Variants in SGCZ observed in about 807,000 individuals in gnomAD.
SGCZ encodes the protein zeta-sarcoglycan.
In SGCZ, 40 loss-of-function variants were observed where a neutral mutation model predicts 41.3. The ratio of observed to expected loss-of-function variants is 0.97; its 90% CI spans 0.75 to 1.26. The LOEUF (loss-of-function observed/expected upper bound fraction) is 1.26, where lower values mean the gene tolerates loss of function less well. Among genes scored for constraint, SGCZ ranks in the 50% most tolerant of loss-of-function variants. The pLI, the probability that SGCZ is intolerant of heterozygous loss-of-function variation, is 0.00. For synonymous variants in SGCZ, 206 were observed against 137.5 expected, an observed-to-expected ratio of 1.50 and a Z score of -3.49; for missense variants, 552 against 369.8, an observed-to-expected ratio of 1.49 and a Z score of -4.04.
At chr8:14,715,642 A>T (rs1325494246) in intron 1 of SGCZ, among the ~76,000 whole-genome samples, 4 of 152,148 alleles carry the variant, frequency 2.6e-5, no homozygotes, top group African/African-American at 2.4e-5. Flanking sequence ...ATTATGTCTG[A>T]TAATTCCTAA....
At chr8:15,181,457 C>T (rs545907187) in intron 1 of SGCZ, among the ~76,000 whole-genome samples, 12 of 152,220 alleles carry the variant, frequency 7.9e-5, no homozygotes, top group Admixed American at 5.2e-4. Flanking sequence ...GTCTTTTCAA[C>T]GTTTGCTTGG....
chr8:14,760,759 C>A (rs1282456585), intron 1 of SGCZ, among the ~76,000 whole-genome samples: 2 of 152,180 alleles, frequency 1.3e-5, no homozygotes, highest in East Asian at 3.8e-4. Flanking sequence ...TATTTCTTCA[C>A]AGAAATTATC....
intron 2 of SGCZ, among the ~76,000 whole-genome samples, chr8:14,444,397 G>A (rs1402431623): frequency 6.6e-6 from 1 of 152,024 alleles, no homozygotes; most frequent in African/African-American, 2.4e-5. Flanking sequence ...CCATAGCAAA[G>A]ACTTGGAACC....
intron 7 of SGCZ, among the ~76,000 whole-genome samples, chr8:14,097,699 CT>C (rs1801888389): frequency 6.6e-6 from 1 of 152,108 alleles, no homozygotes. Context: ...GTTAAAGTCT[CT>C]CACTATTACT....
At chr8:14,457,295 C>G (rs4831589) in intron 2 of SGCZ, among the ~76,000 whole-genome samples, 69,276 of 152,128 alleles carry the variant, frequency 0.46, 16,448 homozygotes, top group African/African-American at 0.58. Flanking sequence ...GTTATGCCCA[C>G]ACAGGGCCAC....
At position 15,228,447 on chromosome 8, in the gene SGCZ, A is replaced by T. The variant is rs147193903; in HGVS notation, c.39+9138T>A. Among the ~76,000 whole-genome samples, 654 of 152,354 alleles carry T rather than the reference A, an allele frequency of 4.3e-3. 4 individuals carry two copies. Among genetic ancestry groups the T allele is most frequent in the African/African-American group, 0.015 (632 of 41,590 alleles). On this transcript the variant is annotated intron_variant, in intron 1 of 7. Transcript: ENST00000382080. ...TAAGAAACTTGATGAGATGAAATAC[A>T]ATATATAAAAGTAACTGTCTCTGCT...
chr8:14,973,598 C>T (rs528076855), intron 1 of SGCZ, among the ~76,000 whole-genome samples: 1 of 152,288 alleles, frequency 6.6e-6, no homozygotes, highest in South Asian at 2.1e-4. Context: ...TAAGTATTGA[C>T]ATCCAATGCA....
intron 1 of SGCZ, among the ~76,000 whole-genome samples, chr8:14,886,493 T>G (rs946840129): frequency 1.3e-5 from 2 of 151,928 alleles, no homozygotes; most frequent in African/African-American, 4.8e-5. Flanking sequence ...CAGGAGATAT[T>G]TGAACAAACA....
intron 1 of SGCZ, among the ~76,000 whole-genome samples, chr8:14,665,134 G>T (rs1018232296): frequency 3.9e-5 from 6 of 152,036 alleles, no homozygotes; most frequent in African/African-American, 1.4e-4. Context: ...TTAACATTAG[G>T]TATATCTCCT....
intron 1 of SGCZ, among the ~76,000 whole-genome samples, chr8:14,830,777 C>G (rs564821587): frequency 1.3e-5 from 2 of 152,182 alleles, no homozygotes; most frequent in African/African-American, 4.8e-5. Context: ...TATTTGGTCA[C>G]AACATCTCAA....
At chr8:14,986,323 T>C (rs1035380231) in intron 1 of SGCZ, among the ~76,000 whole-genome samples, 4 of 152,060 alleles carry the variant, frequency 2.6e-5, no homozygotes, top group African/African-American at 9.7e-5. Flanking sequence ...TTACAGTAAA[T>C]TGTAGAAAAG....
At chr8:14,350,126 A>G (rs575415876) in intron 2 of SGCZ, among the ~76,000 whole-genome samples, 1 of 152,122 alleles carries the variant, frequency 6.6e-6, no homozygotes, top group Non-Finnish European at 1.5e-5. Context: ...GGTGAACGAT[A>G]GAGAAAGGGC....
intron 1 of SGCZ, among the ~76,000 whole-genome samples, chr8:15,017,838 C>A (rs1803097337): frequency 6.6e-6 from 1 of 152,078 alleles, no homozygotes; most frequent in Admixed American, 6.6e-5. Flanking sequence ...TAGTTGGGCT[C>A]CACTAACATA....
intron 3 of SGCZ, among the ~76,000 whole-genome samples, chr8:14,299,350 CATT>C (rs1301205354): frequency 6.6e-6 from 1 of 151,882 alleles, no homozygotes; most frequent in African/African-American, 2.4e-5. Context: ...CAAAAACAAA[CATT>C]ATTAGATAAA....
intron 4 of SGCZ, among the ~76,000 whole-genome samples, chr8:14,182,694 G>A (rs1028338649): frequency 2.0e-5 from 3 of 152,116 alleles, no homozygotes; most frequent in Admixed American, 1.3e-4. Context: ...GACAAAAGTA[G>A]ATTATAATAA....
At chr8:14,099,450 G>A (rs1258106970) in intron 7 of SGCZ, among the ~76,000 whole-genome samples, 1 of 152,178 alleles carries the variant, frequency 6.6e-6, no homozygotes. Flanking sequence ...TTTTTGGTCA[G>A]GTGCGGTGGC....
At chr8:14,233,420 G>A (rs1283288100) in intron 4 of SGCZ, among the ~76,000 whole-genome samples, 1 of 151,220 alleles carries the variant, frequency 6.6e-6, no homozygotes, top group Non-Finnish European at 1.5e-5. Context: ...TCAATGTAAT[G>A]TTATTGATAA....
At chr8:15,183,234 A>T (rs1353605678) in intron 1 of SGCZ, among the ~76,000 whole-genome samples, 2 of 152,360 alleles carry the variant, frequency 1.3e-5, no homozygotes, top group Non-Finnish European at 2.9e-5. Context: ...CCAGTAACAT[A>T]GTCATTTATT....
chr8:14,372,844 G>C (rs1803962304), intron 2 of SGCZ, among the ~76,000 whole-genome samples: 1 of 152,036 alleles, frequency 6.6e-6, no homozygotes. Context: ...GATGAGACGT[G>C]TTGTAGAGAA....
Sources: allele counts gnomAD v4.1 joint callset (sites outside exome capture counted in the v4.1 genomes callset), GRCh38; gene constraint gnomAD v4.1.1; transcripts MANE v1.5; gene names NCBI Gene and HGNC (gene_info 2026-07-23, HGNC 2026-07-21).